The following STRIP2 variants were observed in gnomAD, a reference collection of about 807,000 sequenced individuals.
The protein encoded by STRIP2 is striatin-interacting protein 2.
STRIP2 carries 84 observed loss-of-function variants against 107.1 expected under a neutral mutation model. The ratio of observed to expected loss-of-function variants is 0.78; its 90% CI spans 0.66 to 0.94. The LOEUF is 0.94. STRIP2 is among the 40% of genes least tolerant of loss of function. STRIP2 has a pLI of 0.00. For synonymous variants in STRIP2, 394 were observed against 400.4 expected, an observed-to-expected ratio of 0.98 and a Z score of 0.19; for missense variants, 888 against 1,034.2, an observed-to-expected ratio of 0.86 and a Z score of 1.94.
Position 129,455,302 on chromosome 7 carries a change from G to T in STRIP2, c.765G>T (p.Lys255Asn). The T allele has an allele frequency of 1.2e-6, 2 of 1,613,996 alleles. No individual in the cohort carries two copies. The highest frequency in any genetic ancestry group is 8.5e-7 in the Non-Finnish European group (1 of 1,179,928). The change falls in exon 8 of 21, where the codon AAG becomes AAT. Residue 255 changes from lysine (K) to asparagine (N), a missense_variant. Lys to Asn is a moderately conservative substitution (Grantham distance 94, BLOSUM62 0). Coordinates refer to ENST00000249344, the MANE Select transcript of STRIP2 (RefSeq NM_020704.3). ...TTTTACTCTTCTCCATGGTTACCAA[G>T]TTCTGCAGTGGCCTGGCTCCTCACT... is the stretch of plus-strand genomic sequence containing the variant. ...FALLLFSMVT[K>N]FCSGLAPHFP...
chr7:129,477,142 C>G (rs1227369596), intron 18 of STRIP2, among the ~76,000 whole-genome samples: 1 of 136,892 alleles, frequency 7.3e-6, no homozygotes, highest in Non-Finnish European at 1.6e-5. Flanking sequence ...CCAGCTTCCG[C>G]TCGGCATCAG....
chr7:129,475,776 A>G (rs1798908674), intron 18 of STRIP2, among the ~76,000 whole-genome samples: 1 of 152,078 alleles, frequency 6.6e-6, no homozygotes, highest in Non-Finnish European at 1.5e-5. Flanking sequence ...CTTAACGAGC[A>G]TGCTGCCTTC....
chr7:129,477,929 T>C, intron 18 of STRIP2: 1 of 521,164 alleles, frequency 1.9e-6, no homozygotes, highest in Admixed American at 2.0e-5. Flanking sequence ...GAAGTTATCA[T>C]TGAAATTAAA....
At chr7:129,482,309 A>G (rs1799137290) in intron 19 of STRIP2, among the ~76,000 whole-genome samples, 1 of 150,228 alleles carries the variant, frequency 6.7e-6, no homozygotes, top group South Asian at 2.1e-4. Context: ...GAAAACTTTG[A>G]ACAATAAAAT....
At chr7:129,466,958 A>G (rs2151009399) in intron 16 of STRIP2, among the ~76,000 whole-genome samples, 1 of 152,326 alleles carries the variant, frequency 6.6e-6, no homozygotes, top group Non-Finnish European at 1.5e-5. Context: ...TGCCAAGAGT[A>G]AGCTGCAGCT....
At chr7:129,469,280 TGTAA>T (rs562599832) in intron 17 of STRIP2, among the ~76,000 whole-genome samples, 130 of 152,366 alleles carry the variant, frequency 8.5e-4, no homozygotes, top group East Asian at 5.2e-3. Context: ...ATGCACCATC[TGTAA>T]GTTTTACTTT....
At position 129,464,082 on chromosome 7, in the gene STRIP2, C is replaced by T; in HGVS notation, c.1590C>T (p.Thr530=). ...LLKILLAAAP[T]SKAKTDSINI... ...AGATTCTGCTGGCTGCAGCTCCCACCTCTAAGGCTAAGACAGACTCTATCA... is the reference window on the plus strand; with the variant it reads ...AGATTCTGCTGGCTGCAGCTCCCACTTCTAAGGCTAAGACAGACTCTATCA... The change falls in exon 15 of 21, where the codon ACC becomes ACT. Residue 530 remains threonine, a synonymous_variant. Coordinates refer to ENST00000249344, the MANE Select transcript of STRIP2 (RefSeq NM_020704.3). The T allele has an allele frequency of 2.5e-6, 4 of 1,613,628 alleles. No homozygotes were observed. The highest frequency in any genetic ancestry group is 3.4e-6 in the Non-Finnish European group (4 of 1,180,006).
At chr7:129,447,615 A>T (rs935830951) in intron 3 of STRIP2, among the ~76,000 whole-genome samples, 1 of 152,340 alleles carries the variant, frequency 6.6e-6, no homozygotes, top group Non-Finnish European at 1.5e-5. Flanking sequence ...CAGAGAATAG[A>T]TATACCTCTG....
At chr7:129,447,560 CA>C (rs1251489642) in intron 3 of STRIP2, among the ~76,000 whole-genome samples, 1 of 152,240 alleles carries the variant, frequency 6.6e-6, no homozygotes, top group South Asian at 2.1e-4. Flanking sequence ...CTTGTGGAAG[CA>C]AAAAGCGATC....
rs1171503478 is a variant in STRIP2, at chr7:129,451,626, A to G, written c.288A>G (p.Glu96=). Residue 96 remains glutamate, a synonymous_variant, in exon 4 of 21, where the codon GAA becomes GAG. Transcript: ENST00000249344. ...EDFKTQVQGK[E]WLELEEDAQK... The stretch of plus-strand genomic sequence containing the variant: ...TTTTATTCCCAGTGCAGGGCAAGGA[A>G]TGGCTGGAGTTGGAAGAAGATGCCC... 10 of 1,614,066 alleles carry G rather than the reference A, an allele frequency of 6.2e-6. No individual in the cohort carries two copies. Among genetic ancestry groups the G allele is most frequent in the Admixed American group, 1.7e-5 (1 of 60,012 alleles).
chr7:129,458,155 C>T lies in STRIP2; in HGVS notation c.1039-60C>T. 7.3e-7 allele frequency: 1 copy of T among 1,370,272 alleles called. No individual in the cohort carries two copies. Among genetic ancestry groups the T allele is most frequent in the Non-Finnish European group, 1.0e-6 (1 of 965,502 alleles). 84.9% of individuals were successfully genotyped at this position (1,370,272 alleles called of 1,614,324 possible). ...GAGGCCTGTGGATATGGGGTGGCCT[C>T]AGACAAGGATGCCCAGAGTGAGATC... On this transcript the variant is annotated intron_variant, in intron 9 of 20. Transcript: ENST00000249344. This position sits in a 1 kb window ranked among gnomAD's most constrained non-coding sequence, Gnocchi z 4.6.
intron 7 of STRIP2, among the ~76,000 whole-genome samples, chr7:129,454,989 T>A (rs1448944219): frequency 1.3e-5 from 2 of 152,260 alleles, no homozygotes; most frequent in Non-Finnish European, 2.9e-5. Context: ...TCATTATTGT[T>A]ACTTCTAGTT....
intron 18 of STRIP2, among the ~76,000 whole-genome samples, chr7:129,480,356 A>C (rs767369534): frequency 7.2e-5 from 11 of 152,220 alleles, no homozygotes; most frequent in Non-Finnish European, 1.5e-4. Context: ...AAAAAAATTC[A>C]ACCATAGTTG....
intron 14 of STRIP2, among the ~76,000 whole-genome samples, chr7:129,463,297 A>G (rs780416800): frequency 9.2e-5 from 14 of 152,134 alleles, no homozygotes; most frequent in Non-Finnish European, 1.9e-4. Flanking sequence ...CCCTCCTCCG[A>G]GATAAGTACT....
intron 14 of STRIP2, among the ~76,000 whole-genome samples, chr7:129,463,713 T>C (rs1232522449): frequency 6.6e-6 from 1 of 152,232 alleles, no homozygotes; most frequent in Non-Finnish European, 1.5e-5. Context: ...CAGGCTGATC[T>C]TGAACTTCCA....
rs79040720 is a variant in STRIP2, at chr7:129,440,276, T to G, written c.199+185T>G. On this transcript the variant is annotated intron_variant, in intron 2 of 20. Transcript: ENST00000249344. ...CTTTGTTTGTCTTCACATTTCCTTC[T>G]GTGATTCTCCTTGGCTATGGTATTC... Among the ~76,000 whole-genome samples, 7,438 of 152,302 alleles carry G rather than the reference T, an allele frequency of 0.049. 236 individuals carry two copies. Among genetic ancestry groups the G allele is most frequent in the South Asian group, 0.12 (589 of 4,816 alleles).
rs769519508 is a variant in STRIP2 at position 129,464,108 on chromosome 7, A to G, written c.1616A>G (p.Asn539Ser). ...TCTAAGGCTAAGACAGACTCTATCA[A>G]TATCCTGGCAGATGTCCTACCTGAG... ...PTSKAKTDSINILADVLPEEM... is the reference protein window; with the variant it reads ...PTSKAKTDSISILADVLPEEM... The change falls in exon 15 of 21, where the codon AAT becomes AGT. Residue 539 changes from asparagine to serine, a missense_variant. Physicochemically the swap from Asn to Ser is conservative, Grantham distance 46. Transcript: ENST00000249344. The G allele has an allele frequency of 5.3e-5, 85 of 1,613,028 alleles. 1 individual carries two copies. Among genetic ancestry groups the G allele is most frequent in the South Asian group, 1.2e-4 (11 of 91,056 alleles).
chr7:129,464,241 C>T, intron 15 of STRIP2, 100 bp downstream of exon 15: 1 of 904,994 alleles, frequency 1.1e-6, no homozygotes, highest in South Asian at 1.4e-5. Context: ...GAGATTGTCT[C>T]CAAAGAGATC....
intron 17 of STRIP2, among the ~76,000 whole-genome samples, chr7:129,469,808 G>T (rs1357951285): frequency 6.6e-6 from 1 of 152,144 alleles, no homozygotes; most frequent in Non-Finnish European, 1.5e-5. Context: ...ACTTGTCGTC[G>T]TCAAAGCCAC....
Sources: gnomAD v4.1 joint callset for allele counts (sites outside exome capture counted in the v4.1 genomes callset) on GRCh38, gnomAD v4.1.1 for gene constraint, Gnocchi (gnomAD v3.1) non-coding constraint, MANE v1.5 for transcripts, NCBI Gene and HGNC (gene_info 2026-07-23, HGNC 2026-07-21) for gene names.